Variants in MACROD2 observed in about 807,000 individuals in gnomAD.
The protein encoded by MACROD2 is mono-ADP ribosylhydrolase 2.
Under a neutral mutation model 70.4 loss-of-function variants are expected in MACROD2, and 36 were observed. That is an observed-to-expected ratio of 0.51 (90% CI 0.39 to 0.68). The LOEUF (loss-of-function observed/expected upper bound fraction) is 0.68. MACROD2 is among the 30% of genes least tolerant of loss of function. The pLI is 0.00. For synonymous variants in MACROD2, 172 were observed against 178.8 expected (o/e 0.96, Z 0.30); for missense variants, 496 against 538.4 (o/e 0.92, Z 0.78).
In MACROD2 at chr20:14,465,629, T is replaced by C. The variant is rs565655585; in HGVS notation, c.272-27850T>C. Among the ~76,000 whole-genome samples, 36 of 152,214 alleles carry C rather than the reference T, an allele frequency of 2.4e-4. No homozygotes were observed. In the South Asian group the frequency reaches 2.5e-3, roughly 11 times the overall value. Reference sequence around the variant, plus strand: ...AGTTGATGCAGTTTCTTCCTAGTGTTGATGGTCTTTACAATTTGGCATGTT... The same window carrying C: ...AGTTGATGCAGTTTCTTCCTAGTGTCGATGGTCTTTACAATTTGGCATGTT... On this transcript the variant is annotated intron_variant, in intron 3 of 17. Coordinates refer to ENST00000684519, the MANE Select transcript of MACROD2 (RefSeq NM_001351661.2).
At chr20:15,012,719 G>A (rs899675528) in intron 5 of MACROD2, among the ~76,000 whole-genome samples, 1 of 152,048 alleles carries the variant, frequency 6.6e-6, no homozygotes, top group African/African-American at 2.4e-5. Context: ...CCTCACCCAC[G>A]CTCCCCCTAC....
At chr20:14,229,729 G>A (rs770910273) in intron 3 of MACROD2, among the ~76,000 whole-genome samples, 3 of 152,154 alleles carry the variant, frequency 2.0e-5, no homozygotes, top group Non-Finnish European at 4.4e-5. Flanking sequence ...GTTGAAGACT[G>A]TCCACACAAA....
intron 3 of MACROD2, among the ~76,000 whole-genome samples, chr20:14,137,420 C>T (rs556305965): frequency 5.8e-4 from 88 of 152,256 alleles, no homozygotes; most frequent in African/African-American, 2.0e-3. Context: ...ATGTTACTAA[C>T]CAGCATCCTT....
intron 6 of MACROD2, among the ~76,000 whole-genome samples, chr20:15,275,000 CAAG>C (rs769701385): frequency 4.0e-5 from 6 of 151,236 alleles, no homozygotes; most frequent in African/African-American, 7.3e-5. Context: ...AGTCCTTAGA[CAAG>C]AAGCAGCCCA....
At chr20:16,028,110 G>A (rs532594594) in intron 15 of MACROD2, among the ~76,000 whole-genome samples, 1 of 152,296 alleles carries the variant, frequency 6.6e-6, no homozygotes, top group East Asian at 1.9e-4. Flanking sequence ...CAGAGAAGCT[G>A]GAACTCCTTT....
intron 8 of MACROD2, among the ~76,000 whole-genome samples, chr20:15,762,451 C>A (rs946553619): frequency 1.3e-5 from 2 of 152,188 alleles, no homozygotes; most frequent in African/African-American, 4.8e-5. Flanking sequence ...ACTAACCATT[C>A]TACCTAAACC....
intron 3 of MACROD2, among the ~76,000 whole-genome samples, chr20:14,438,584 G>T (rs2084085174): frequency 6.6e-6 from 1 of 152,066 alleles, no homozygotes; most frequent in Non-Finnish European, 1.5e-5. Flanking sequence ...GTTAGCTCTT[G>T]TTTTTTGATA....
At chr20:15,131,021 T>G (rs948183925) in intron 5 of MACROD2, among the ~76,000 whole-genome samples, 2 of 151,634 alleles carry the variant, frequency 1.3e-5, no homozygotes, top group Non-Finnish European at 2.9e-5. Context: ...GCCCAAACAC[T>G]CCCCCTTGAC....
chr20:14,901,691 C>T (rs1036096492), intron 5 of MACROD2, among the ~76,000 whole-genome samples: 9 of 152,078 alleles, frequency 5.9e-5, no homozygotes, highest in Admixed American at 3.3e-4. Flanking sequence ...CTGCCAAAAT[C>T]GGCATCATAA....
At chr20:15,944,005 A>G (rs2065786350) in intron 12 of MACROD2, among the ~76,000 whole-genome samples, 2 of 152,112 alleles carry the variant, frequency 1.3e-5, no homozygotes, top group African/African-American at 4.8e-5. Flanking sequence ...CCTCAAAGGC[A>G]TGGATTTTAT....
chr20:15,677,651 C>A (rs1221888825), intron 8 of MACROD2, among the ~76,000 whole-genome samples: 2 of 150,912 alleles, frequency 1.3e-5, no homozygotes, highest in African/African-American at 4.9e-5. Flanking sequence ...TCAAACCCAA[C>A]CCTCAGGAAA....
intron 5 of MACROD2, among the ~76,000 whole-genome samples, chr20:15,038,396 C>T (rs1259914756): frequency 6.6e-6 from 1 of 152,144 alleles, no homozygotes; most frequent in Non-Finnish European, 1.5e-5. Flanking sequence ...GTTTTATTTA[C>T]AACCTGGGGA....
At chr20:15,497,028 C>G (rs1304819860) in intron 7 of MACROD2, among the ~76,000 whole-genome samples, 1 of 152,120 alleles carries the variant, frequency 6.6e-6, no homozygotes, top group East Asian at 1.9e-4. Context: ...TTCAGAGGGA[C>G]AATGCCTTTA....
At chr20:15,765,533 A>G (rs2051508265) in intron 8 of MACROD2, among the ~76,000 whole-genome samples, 1 of 152,232 alleles carries the variant, frequency 6.6e-6, no homozygotes, top group African/African-American at 2.4e-5. Flanking sequence ...AACTGAAATG[A>G]TACATGCAAA....
chr20:14,199,876 A>G (rs1276778835), intron 3 of MACROD2, among the ~76,000 whole-genome samples: 2 of 152,194 alleles, frequency 1.3e-5, no homozygotes, highest in African/African-American at 2.4e-5. Context: ...TGAAGATTCC[A>G]GTGCCAATAC....
intron 5 of MACROD2, among the ~76,000 whole-genome samples, chr20:15,119,105 A>G (rs1040882): frequency 0.22 from 32,820 of 152,150 alleles, 4,868 homozygotes; most frequent in Non-Finnish European, 0.33. Context: ...TCTGTTGCCT[A>G]TAACAATCGG....
intron 8 of MACROD2, among the ~76,000 whole-genome samples, chr20:15,666,826 A>G (rs1414010921): frequency 2.0e-5 from 3 of 152,196 alleles, no homozygotes; most frequent in South Asian, 4.1e-4. Flanking sequence ...TGCATTGGTA[A>G]AGAAGCACGC....
chr20:14,843,222 G>T (rs1466832423), intron 5 of MACROD2, among the ~76,000 whole-genome samples: 5 of 117,534 alleles, frequency 4.3e-5, no homozygotes, highest in African/African-American at 6.6e-5. Flanking sequence ...TTTGTGTTAT[G>T]ACTGGGGCTA....
chr20:14,100,093 A>G (rs923067237), intron 3 of MACROD2, among the ~76,000 whole-genome samples: 6 of 152,112 alleles, frequency 3.9e-5, no homozygotes, highest in African/African-American at 1.4e-4. Context: ...TTAGGAACAA[A>G]TAAACCATTG....
Sources: allele counts gnomAD v4.1 joint callset (sites outside exome capture counted in the v4.1 genomes callset), GRCh38; gene constraint gnomAD v4.1.1; transcripts MANE v1.5; gene names NCBI Gene and HGNC (gene_info 2026-07-23, HGNC 2026-07-21).